Variants in OSBPL9 observed in about 807,000 individuals in gnomAD.
OSBPL9 encodes the protein oxysterol-binding protein-related protein 9.
A neutral mutation model predicts 106.6 loss-of-function variants in OSBPL9; 40 were observed. That is an observed-to-expected ratio of 0.38 (90% CI 0.29 to 0.49). OSBPL9 has a LOEUF of 0.49. Ranked by LOEUF, OSBPL9 falls within the 20% of genes least tolerant of loss-of-function variation. OSBPL9 has a pLI of 0.97. For synonymous variants in OSBPL9, 269 were observed against 295.4 expected (o/e 0.91, Z 0.92); for missense variants, 609 against 887.2 (o/e 0.69, Z 3.98).
chr1:51,767,096 C>G (rs1672722918), intron 12 of OSBPL9, among the ~76,000 whole-genome samples: 1 of 151,262 alleles, frequency 6.6e-6, no homozygotes, highest in Admixed American at 6.6e-5. Context: ...ACAACAACAA[C>G]AAAAACAGTT....
chr1:51,787,674 A>G, intron 23 of OSBPL9, 41 bp from the exon 24 acceptor site: 1 of 1,603,822 alleles, frequency 6.2e-7, no homozygotes, highest in South Asian at 1.1e-5. Flanking sequence ...ACAGAAGTAC[A>G]AAGCAAATAT....
intron 14 of OSBPL9, 69 bp from the exon 15 acceptor site, chr1:51,776,760 CTTTT>C (rs57902123): frequency 1.1e-5 from 9 of 802,698 alleles, no homozygotes; most frequent in South Asian, 3.5e-5. Context: ...GTTTTGTTTT[CTTTT>C]TTTTTTTTTT....
chr1:51,541,695 G>A, the OSBPL9 span, among the ~76,000 whole-genome samples: 1 of 152,138 alleles, frequency 6.6e-6, no homozygotes, highest in Non-Finnish European at 1.5e-5. Flanking sequence ...GATGTAGCAG[G>A]CTTGGTGACT....
chr1:51,719,133 A>G (rs899386565), intron 4 of OSBPL9, among the ~76,000 whole-genome samples: 4 of 152,200 alleles, frequency 2.6e-5, no homozygotes, highest in Non-Finnish European at 4.4e-5. Context: ...CAGCATGGCT[A>G]AGACTAAGCT....
intron 3 of OSBPL9, among the ~76,000 whole-genome samples, chr1:51,676,051 A>G (rs1651109021): frequency 6.6e-6 from 1 of 152,230 alleles, no homozygotes; most frequent in Non-Finnish European, 1.5e-5. Flanking sequence ...ATAAGACAGA[A>G]CTGAAATTTG....
At chr1:51,750,553 A>T (rs1478451992) in intron 8 of OSBPL9, among the ~76,000 whole-genome samples, 2 of 152,232 alleles carry the variant, frequency 1.3e-5, no homozygotes, top group Non-Finnish European at 1.5e-5. Context: ...GTCCATAATG[A>T]AGAATATAAT....
the OSBPL9 span, among the ~76,000 whole-genome samples, chr1:51,560,357 G>A: frequency 2.6e-5 from 4 of 152,280 alleles, no homozygotes; most frequent in East Asian, 7.7e-4. Flanking sequence ...TGGACATGTC[G>A]CTTGGTGTTT....
At chr1:51,749,553 C>A in intron 7 of OSBPL9, 1 of 408,832 alleles carries the variant, frequency 2.4e-6, no homozygotes, top group African/African-American at 2.0e-5. Flanking sequence ...TCAAGCGATC[C>A]TCCTTCCTTG....
intron 2 of OSBPL9, among the ~76,000 whole-genome samples, chr1:51,610,888 G>A (rs754382491): frequency 5.3e-5 from 8 of 152,340 alleles, no homozygotes; most frequent in Middle Eastern, 3.4e-3. Flanking sequence ...AAGAACCCAA[G>A]AGATAGGAGA....
chr1:51,782,510 T>C (rs1457919116), intron 16 of OSBPL9, 49 bp from the exon 17 acceptor site: 1 of 1,545,914 alleles, frequency 6.5e-7, no homozygotes, highest in African/African-American at 1.4e-5. Flanking sequence ...CTCTGAAATG[T>C]CATTTGTGTT....
chr1:51,776,427 C>A (rs1675088075), intron 14 of OSBPL9, among the ~76,000 whole-genome samples: 1 of 152,160 alleles, frequency 6.6e-6, no homozygotes, highest in African/African-American at 2.4e-5. Flanking sequence ...ATAATTTCTT[C>A]ATCATAGGGC....
At chr1:51,676,154 T>A (rs1651133025) in intron 3 of OSBPL9, among the ~76,000 whole-genome samples, 1 of 152,094 alleles carries the variant, frequency 6.6e-6, no homozygotes, top group South Asian at 2.1e-4. Context: ...TTAACATTTA[T>A]CAGAAAAGGA....
chr1:51,733,889 T>C (rs538947426), intron 4 of OSBPL9, among the ~76,000 whole-genome samples: 8 of 152,234 alleles, frequency 5.3e-5, no homozygotes, highest in African/African-American at 1.7e-4. Flanking sequence ...CGAGTACTAA[T>C]TGGTTCTGGA....
the OSBPL9 span, chr1:51,519,283 G>A: frequency 9.2e-7 from 1 of 1,084,612 alleles, no homozygotes; most frequent in Non-Finnish European, 1.2e-6. Flanking sequence ...ACTGGGGCTC[G>A]GGGCGGGGAG....
At chr1:51,680,106 T>C (rs1160706122) in intron 3 of OSBPL9, among the ~76,000 whole-genome samples, 1 of 151,794 alleles carries the variant, frequency 6.6e-6, no homozygotes, top group Non-Finnish European at 1.5e-5. Flanking sequence ...ATACAAAAAT[T>C]AGCCATGTGT....
At chr1:51,682,296 G>T (rs962292028) in intron 3 of OSBPL9, among the ~76,000 whole-genome samples, 1 of 151,932 alleles carries the variant, frequency 6.6e-6, no homozygotes, top group African/African-American at 2.4e-5. Context: ...TTGAATCCAC[G>T]GATGCAGAAC....
intron 8 of OSBPL9, 73 bp from the exon 9 acceptor site, chr1:51,756,247 C>A: frequency 7.7e-7 from 1 of 1,300,278 alleles, no homozygotes; most frequent in South Asian, 1.2e-5. Flanking sequence ...AATAAGCTTT[C>A]TTGTAGGAGA....
At chr1:51,680,854 TA>T (rs1352393786) in intron 3 of OSBPL9, among the ~76,000 whole-genome samples, 1 of 152,164 alleles carries the variant, frequency 6.6e-6, no homozygotes, top group Non-Finnish European at 1.5e-5. Flanking sequence ...AAAGCATAAA[TA>T]TTTTTAATAT....
At chr1:51,642,277 T>G (rs1382162989) in intron 1 of OSBPL9, among the ~76,000 whole-genome samples, 1 of 152,208 alleles carries the variant, frequency 6.6e-6, no homozygotes, top group African/African-American at 2.4e-5. Context: ...GTTTCCTCTG[T>G]GTAATAGGTC....
Sources: gnomAD v4.1 joint callset for allele counts (sites outside exome capture counted in the v4.1 genomes callset) on GRCh38, gnomAD v4.1.1 for gene constraint, MANE v1.5 for transcripts, NCBI Gene and HGNC (gene_info 2026-07-23, HGNC 2026-07-21) for gene names.